Variants in FLT1 observed in about 807,000 individuals in gnomAD.
FLT1 encodes the protein fms related receptor tyrosine kinase 1, also known as vascular endothelial growth factor receptor 1.
In FLT1, 49 loss-of-function variants were observed where a neutral mutation model predicts 156.3. The observed-to-expected ratio is 0.31, with a 90% CI of 0.25 to 0.40. FLT1 has a LOEUF of 0.40. Among genes scored for constraint, FLT1 ranks in the 10% least tolerant of loss-of-function variants. The pLI is 1.00. For missense variants in FLT1, 1,322 were observed against 1,637.2 expected (o/e 0.81, Z 3.32); for synonymous variants, 594 against 583.8 (o/e 1.02, Z -0.25).
chr13:28,342,195 T>C (rs1002937248), intron 16 of FLT1, among the ~76,000 whole-genome samples: 1 of 152,198 alleles, frequency 6.6e-6, no homozygotes, highest in Non-Finnish European at 1.5e-5. Context: ...TTTCCAGTTT[T>C]ATTTCTACTG....
intron 8 of FLT1, among the ~76,000 whole-genome samples, chr13:28,429,803 A>G (rs1877564342): frequency 6.6e-6 from 1 of 152,202 alleles, no homozygotes; most frequent in African/African-American, 2.4e-5. Flanking sequence ...AAAGTTAGCC[A>G]CAGTAAGAGA....
Position 28,366,433 on chromosome 13 carries a change from T to A in FLT1, c.2117-8748A>T, listed in dbSNP as rs73453241. 4.4e-3 allele frequency among the ~76,000 whole-genome samples: 669 copies of A among 152,264 alleles called. 1 individual carries two copies. The highest frequency in any genetic ancestry group is 0.014 in the African/African-American group (601 of 41,536). On this transcript the variant is annotated intron_variant, in intron 14 of 29. Transcript: ENST00000282397. ...TGATGCCTGGTTAACATTTGCTTGT[T>A]CTTTAATATTCAGCTCAGGATTAGC...
intron 3 of FLT1, among the ~76,000 whole-genome samples, chr13:28,461,204 C>T (rs940083221): frequency 5.3e-5 from 8 of 151,932 alleles, no homozygotes; most frequent in African/African-American, 1.9e-4. Flanking sequence ...AATTTGGAGG[C>T]ACATTTTTAA....
intron 10 of FLT1, among the ~76,000 whole-genome samples, chr13:28,413,633 C>G (rs963651471): frequency 6.6e-6 from 1 of 152,078 alleles, no homozygotes; most frequent in Non-Finnish European, 1.5e-5. Flanking sequence ...GGAGTGCCTA[C>G]AAAAAATATC....
chr13:28,450,195 C>T lies in FLT1; in HGVS notation c.389-11850G>A, dbSNP rs989136904. ...GTCTAGCTGAGCAGACACACACACA[C>T]CTCACACACAAGAATGCTCATGTTG... On this transcript the variant is annotated intron_variant, in intron 3 of 29. Coordinates refer to ENST00000282397, the MANE Select transcript of FLT1 (RefSeq NM_002019.4). 2.0e-5 allele frequency among the ~76,000 whole-genome samples: 3 copies of T among 152,166 alleles called. No homozygotes were observed. The East Asian group carries it at 5.8e-4, about 29-fold the overall frequency.
chr13:28,327,670 G>T (rs1871741173), intron 19 of FLT1, 120 bp from the exon 20 acceptor site: 5 of 690,468 alleles, frequency 7.2e-6, no homozygotes, highest in African/African-American at 1.8e-5. Flanking sequence ...GGGGCGAAGG[G>T]ATGCGATTTA....
intron 3 of FLT1, among the ~76,000 whole-genome samples, chr13:28,454,063 C>A (rs1879127973): frequency 1.3e-5 from 2 of 152,074 alleles, no homozygotes; most frequent in South Asian, 4.2e-4. Context: ...TGGAATGTCC[C>A]AGGCAGAGCA....
chr13:28,494,251 C>A (rs1294742779), intron 1 of FLT1, among the ~76,000 whole-genome samples: 1 of 152,246 alleles, frequency 6.6e-6, no homozygotes, highest in African/African-American at 2.4e-5. Flanking sequence ...AAATCGGCTC[C>A]CCTCCTACAC....
intron 17 of FLT1, among the ~76,000 whole-genome samples, chr13:28,336,818 G>C (rs947340780): frequency 3.3e-5 from 5 of 149,816 alleles, no homozygotes; most frequent in African/African-American, 1.2e-4. Flanking sequence ...CGTGATCTTG[G>C]CTCACGGCAA....
chr13:28,397,436 C>G (rs148450572), intron 11 of FLT1, among the ~76,000 whole-genome samples: 3 of 152,312 alleles, frequency 2.0e-5, no homozygotes, highest in Non-Finnish European at 4.4e-5. Flanking sequence ...CTGAGGCCTT[C>G]CCTTTTGTTT....
chr13:28,485,124 T>C (rs1413441731), intron 1 of FLT1, among the ~76,000 whole-genome samples: 1 of 152,106 alleles, frequency 6.6e-6, no homozygotes, highest in African/African-American at 2.4e-5. Context: ...CTAATAAATA[T>C]ATAATTGAAA....
intron 1 of FLT1, among the ~76,000 whole-genome samples, chr13:28,484,326 G>C (rs1341801496): frequency 6.6e-6 from 1 of 152,204 alleles, no homozygotes; most frequent in Non-Finnish European, 1.5e-5. Context: ...TGAGAGGGCA[G>C]TCCCAGCTTT....
chr13:28,350,501 A>G (rs1310910000), intron 15 of FLT1, among the ~76,000 whole-genome samples: 1 of 152,056 alleles, frequency 6.6e-6, no homozygotes, highest in African/African-American at 2.4e-5. Flanking sequence ...CCTGATAGCA[A>G]TAGTAGCTCT....
At position 28,384,924 on chromosome 13, in the gene FLT1, T is replaced by G; in HGVS notation, c.2077A>C (p.Thr693Pro). The G allele has an allele frequency of 6.2e-7, 1 of 1,614,150 alleles. No homozygotes were observed. Among genetic ancestry groups the G allele is most frequent in the Non-Finnish European group, 8.5e-7 (1 of 1,180,002 alleles). Residue 693 changes from threonine to proline, a missense_variant, in exon 14 of 30, where the codon ACT becomes CCT. Coordinates refer to ENST00000282397, the MANE Select transcript of FLT1 (RefSeq NM_002019.4). ...ATTTTGTGGTTGTTTTTAAACCAAG[T>G]GATCTGAGGCTCGGGGACACCATTA... ...HANGVPEPQI[T>P]WFKNNHKIQQ...
chr13:28,393,509 G>T (rs1874861322), intron 12 of FLT1, among the ~76,000 whole-genome samples: 1 of 152,194 alleles, frequency 6.6e-6, no homozygotes, highest in Non-Finnish European at 1.5e-5. Flanking sequence ...AGTCGAAGCG[G>T]TCAAGGATTC....
rs1555297476 is a variant in FLT1 at position 28,300,527 on chromosome 13, A to ACCCACACACC, written c.*2639_*2640insGGTGTGTGGG. ...GCACAAAACACACATACACCCACAC[A>ACCCACACACC]CACACACACACACACACACACACAC... On this transcript the variant is annotated 3_prime_UTR_variant, in exon 30 of 30. Transcript: ENST00000282397. 100 of 24,670 alleles carry ACCCACACACC rather than the reference A, an allele frequency of 4.1e-3. No homozygotes were observed. The highest frequency in any genetic ancestry group is 5.2e-3 in the African/African-American group (91 of 17,580). The allele number at this position is 24,670 out of a possible 1,614,324, so 1.5% of individuals were successfully genotyped here.
chr13:28,309,068 C>T (rs929631684), intron 27 of FLT1, 141 bp from the exon 28 acceptor site: 4 of 650,870 alleles, frequency 6.1e-6, no homozygotes, highest in Non-Finnish European at 1.1e-5. Context: ...CCCCGATCTC[C>T]CCGCCGTGAC....
chr13:28,450,486 C>T (rs1878871555), intron 3 of FLT1, among the ~76,000 whole-genome samples: 1 of 147,550 alleles, frequency 6.8e-6, no homozygotes, highest in Non-Finnish European at 1.5e-5. Context: ...TCAGTTGAGA[C>T]ATCTCAGAAG....
At chr13:28,306,640 T>C in intron 29 of FLT1, 38 bp downstream of exon 29, 1 of 1,398,944 alleles carries the variant, frequency 7.1e-7, no homozygotes, top group Middle Eastern at 1.8e-4. Flanking sequence ...CTCGTACCCC[T>C]CCATCAACTG....
Sources: allele counts gnomAD v4.1 joint callset (sites outside exome capture counted in the v4.1 genomes callset), GRCh38; gene constraint gnomAD v4.1.1; transcripts MANE v1.5; gene names NCBI Gene and HGNC (gene_info 2026-07-23, HGNC 2026-07-21).